The following ZMAT4 variants were observed in gnomAD, a reference collection of about 807,000 sequenced individuals.
ZMAT4 encodes the protein zinc finger matrin-type 4.
ZMAT4 carries 17 observed loss-of-function variants against 28.7 expected under a neutral mutation model. The observed-to-expected ratio is 0.59, with a 90% CI of 0.41 to 0.89. The LOEUF is 0.89. ZMAT4 is among the 40% of genes least tolerant of loss of function. The pLI, the probability that ZMAT4 is intolerant of heterozygous loss-of-function variation, is 0.00. For synonymous variants in ZMAT4, 117 were observed against 109.2 expected (o/e 1.07, Z -0.44); for missense variants, 240 against 283.8 (o/e 0.85, Z 1.11).
chr8:40,848,989 C>A (rs893019468), intron 1 of ZMAT4, among the ~76,000 whole-genome samples: 1 of 152,256 alleles, frequency 6.6e-6, no homozygotes, highest in African/African-American at 2.4e-5. Context: ...CCCTGCAGGT[C>A]ACCGCTCTGT....
chr8:40,815,939 C>T (rs980215609), intron 2 of ZMAT4, among the ~76,000 whole-genome samples: 2 of 152,138 alleles, frequency 1.3e-5, no homozygotes, highest in African/African-American at 4.8e-5. Flanking sequence ...CATTCATTTG[C>T]CAAAACCACT....
At chr8:40,837,258 T>A (rs1201224473) in intron 1 of ZMAT4, among the ~76,000 whole-genome samples, 1 of 152,206 alleles carries the variant, frequency 6.6e-6, no homozygotes, top group African/African-American at 2.4e-5. Flanking sequence ...CTCCTCTCCT[T>A]CTGCAGGCTG....
chr8:40,593,515 A>G (rs1019861237), intron 5 of ZMAT4, among the ~76,000 whole-genome samples: 1 of 152,178 alleles, frequency 6.6e-6, no homozygotes, highest in Admixed American at 6.5e-5. Flanking sequence ...GTAAGCATCA[A>G]TAGTGATAGG....
chr8:40,895,808 T>C (rs546740960), intron 1 of ZMAT4, among the ~76,000 whole-genome samples: 1 of 152,314 alleles, frequency 6.6e-6, no homozygotes, highest in East Asian at 1.9e-4. Context: ...ACTGCCTTCA[T>C]GAAAACCAAG....
chr8:40,795,210 G>A (rs951815155), intron 2 of ZMAT4, among the ~76,000 whole-genome samples: 3 of 152,056 alleles, frequency 2.0e-5, no homozygotes, highest in Admixed American at 6.6e-5. Flanking sequence ...CCAAGCATCC[G>A]ATCATTGCAG....
chr8:40,697,477 A>G (rs1048235215), intron 3 of ZMAT4, 76 bp from the exon 4 acceptor site: 7 of 1,312,084 alleles, frequency 5.3e-6, no homozygotes, highest in African/African-American at 3.0e-5. Flanking sequence ...TACCCAGACG[A>G]ACTAGTGTAT....
intron 2 of ZMAT4, among the ~76,000 whole-genome samples, chr8:40,785,099 G>T (rs1185411809): frequency 6.6e-6 from 1 of 152,212 alleles, no homozygotes; most frequent in African/African-American, 2.4e-5. Context: ...AGCGTTTGCT[G>T]ATTCTCACCC....
intron 1 of ZMAT4, 38 bp from the exon 2 acceptor site, chr8:40,825,718 T>C: frequency 1.4e-6 from 2 of 1,480,440 alleles, no homozygotes; most frequent in South Asian, 1.2e-5. Context: ...ATGAGTCCAC[T>C]GCTTTGATGT....
chr8:40,558,901 C>A (rs554520671), intron 6 of ZMAT4, among the ~76,000 whole-genome samples: 1 of 152,146 alleles, frequency 6.6e-6, no homozygotes, highest in African/African-American at 2.4e-5. Flanking sequence ...ACAGAGGGGC[C>A]ATAAGACTGA....
At chr8:40,582,583 C>T (rs774182571) in intron 5 of ZMAT4, among the ~76,000 whole-genome samples, 1 of 152,152 alleles carries the variant, frequency 6.6e-6, no homozygotes, top group Non-Finnish European at 1.5e-5. Flanking sequence ...AAAGCTGTAG[C>T]ATTTGTTTTT....
At chr8:40,556,028 C>T (rs1239866751) in intron 6 of ZMAT4, among the ~76,000 whole-genome samples, 1 of 152,142 alleles carries the variant, frequency 6.6e-6, no homozygotes, top group Non-Finnish European at 1.5e-5. Context: ...TAAAACTCTG[C>T]CCTCTATTCT....
chr8:40,714,521 T>C (rs993430824), intron 3 of ZMAT4, among the ~76,000 whole-genome samples: 3 of 152,222 alleles, frequency 2.0e-5, no homozygotes, highest in African/African-American at 7.2e-5. Flanking sequence ...TGATGTATTG[T>C]TGAGCTCATT....
Position 40,818,956 on chromosome 8 carries a change from T to C in ZMAT4, c.102+6619A>G, listed in dbSNP as rs576609673. Among the ~76,000 whole-genome samples the C allele has an allele frequency of 3.3e-5, 5 of 152,272 alleles. No individual in the cohort carries two copies. The East Asian group carries it at 9.6e-4, about 29-fold the overall frequency. On this transcript the variant is annotated intron_variant, in intron 2 of 6. Transcript: ENST00000297737. ...GTCATGAAACTTTAATCAGCACATTTTAAGAATCTTAATTTTCACCTTTTT... is the reference window on the plus strand; with the variant it reads ...GTCATGAAACTTTAATCAGCACATTCTAAGAATCTTAATTTTCACCTTTTT...
At chr8:40,542,523 G>T (rs1194750966) in intron 6 of ZMAT4, among the ~76,000 whole-genome samples, 1 of 151,812 alleles carries the variant, frequency 6.6e-6, no homozygotes. Context: ...GGAGTAGCTG[G>T]GACTACACGT....
At chr8:40,831,290 C>T (rs1816271805) in intron 1 of ZMAT4, among the ~76,000 whole-genome samples, 2 of 152,220 alleles carry the variant, frequency 1.3e-5, no homozygotes, top group Admixed American at 1.3e-4. Flanking sequence ...TTTGTTGTCA[C>T]AAGGTGCTGA....
intron 1 of ZMAT4, among the ~76,000 whole-genome samples, chr8:40,836,288 A>G (rs1169744934): frequency 2.6e-5 from 4 of 152,198 alleles, no homozygotes; most frequent in Middle Eastern, 3.2e-3. Flanking sequence ...GGCCACATCA[A>G]GAGTTGAAGA....
chr8:40,583,458 A>G (rs1180934140), intron 5 of ZMAT4, among the ~76,000 whole-genome samples: 3 of 152,178 alleles, frequency 2.0e-5, no homozygotes, highest in Admixed American at 6.5e-5. Context: ...AAAGATGCTG[A>G]AAGTGTTCAC....
Position 40,697,238 on chromosome 8 carries a change from C to T in ZMAT4, c.349+7G>A. ...GGTCTCCCCACGATCACTGTTCCTG[C>T]ACGTACCTGTGGTCTTTAATGGGGT... On this transcript the variant is annotated splice_region_variant and intron_variant, in intron 4 of 6. Transcript: ENST00000297737. The T allele has an allele frequency of 6.2e-7, 1 of 1,600,132 alleles. No individual in the cohort carries two copies. The highest frequency in any genetic ancestry group is 8.5e-7 in the Non-Finnish European group (1 of 1,172,752).
intron 6 of ZMAT4, among the ~76,000 whole-genome samples, chr8:40,575,399 A>G (rs920099049): frequency 5.9e-5 from 9 of 152,172 alleles, no homozygotes; most frequent in Admixed American, 2.6e-4. Flanking sequence ...CTTCATCCCA[A>G]GAGAATCAGT....
Sources: allele counts gnomAD v4.1 joint callset (sites outside exome capture counted in the v4.1 genomes callset), GRCh38; gene constraint gnomAD v4.1.1; transcripts MANE v1.5; gene names NCBI Gene and HGNC (gene_info 2026-07-23, HGNC 2026-07-21).